SMAP1: variants seen among roughly 807,000 people sequenced by gnomAD.
SMAP1 encodes the protein stromal membrane-associated protein 1.
A neutral mutation model predicts 58.5 loss-of-function variants in SMAP1; 24 were observed. The observed-to-expected ratio is 0.41, with a 90% CI of 0.30 to 0.58. The LOEUF (loss-of-function observed/expected upper bound fraction) is 0.58. SMAP1 is among the 20% of genes least tolerant of loss of function. The pLI is 0.29. For missense variants in SMAP1, 563 were observed against 566.3 expected (o/e 0.99, Z 0.06); for synonymous variants, 216 against 196.6 (o/e 1.10, Z -0.82).
chr6:70,701,257 A>G (rs1767616268), intron 1 of SMAP1, among the ~76,000 whole-genome samples: 2 of 151,378 alleles, frequency 1.3e-5, no homozygotes, highest in African/African-American at 4.9e-5. Flanking sequence ...ATTTTTTTGT[A>G]TTTTTGGTAG....
At chr6:70,756,683 T>G (rs564331548) in intron 3 of SMAP1, among the ~76,000 whole-genome samples, 1 of 151,820 alleles carries the variant, frequency 6.6e-6, no homozygotes, top group African/African-American at 2.4e-5. Flanking sequence ...TGAAGGATTT[T>G]GTCAATGTAC....
chr6:70,771,152 T>C (rs898392382), intron 3 of SMAP1, among the ~76,000 whole-genome samples: 2 of 152,212 alleles, frequency 1.3e-5, no homozygotes, highest in Non-Finnish European at 2.9e-5. Context: ...AGTGACAGTC[T>C]GCCCCTACTG....
Position 70,726,877 on chromosome 6 carries a change from GTGTGTGT to G in SMAP1, c.119-5500_119-5494del, listed in dbSNP as rs1562117584. 4.7e-4 allele frequency among the ~76,000 whole-genome samples: 8 copies of G among 17,028 alleles called. No individual in the cohort carries two copies. The African/African-American group carries it at 7.3e-3, about 16-fold the overall frequency. The allele number at this position is 17,028 out of a possible 152,430, so 11.2% of individuals were successfully genotyped here. A position where few individuals can be genotyped will look rare whatever the true frequency, so the allele number is the denominator to read the frequency against. On this transcript the variant is annotated intron_variant, in intron 1 of 10. Coordinates refer to ENST00000370455, the MANE Select transcript of SMAP1 (RefSeq NM_001044305.3). The stretch of plus-strand genomic sequence containing the variant: ...GTAATATTATACAAATTTTAGGGGT[GTGTGTGT>G]GTGTGTGTGTGTGTGTGTGTGTGTG...
chr6:70,848,784 C>T (rs1183885330), intron 7 of SMAP1, among the ~76,000 whole-genome samples: 3 of 152,102 alleles, frequency 2.0e-5, no homozygotes, highest in Admixed American at 2.0e-4. Flanking sequence ...ACACAATGAC[C>T]TTCAAAATGA....
At chr6:70,832,565 G>T (rs1466017698) in intron 6 of SMAP1, among the ~76,000 whole-genome samples, 1 of 152,150 alleles carries the variant, frequency 6.6e-6, no homozygotes, top group African/African-American at 2.4e-5. Flanking sequence ...TGCTGTAACA[G>T]AATAGCACAG....
At chr6:70,745,979 A>G (rs112005672) in intron 2 of SMAP1, among the ~76,000 whole-genome samples, 3,756 of 151,976 alleles carry the variant, frequency 0.025, 174 homozygotes, top group African/African-American at 0.086. Flanking sequence ...CTGTTTGTCT[A>G]TTATTGGTGT....
At chr6:70,718,231 T>G (rs1353232593) in intron 1 of SMAP1, among the ~76,000 whole-genome samples, 2 of 152,164 alleles carry the variant, frequency 1.3e-5, no homozygotes, top group Non-Finnish European at 2.9e-5. Context: ...AGGAGGACAT[T>G]GTAGCTAATG....
At chr6:70,808,901 CCT>C (rs1491533454) in intron 6 of SMAP1, among the ~76,000 whole-genome samples, 4 of 71,494 alleles carry the variant, frequency 5.6e-5, no homozygotes, top group Admixed American at 3.4e-4. Context: ...AGGCTGTTTC[CCT>C]GTGTGTGTGT....
intron 6 of SMAP1, among the ~76,000 whole-genome samples, chr6:70,829,381 G>A (rs144598747): frequency 9.9e-4 from 150 of 152,012 alleles, no homozygotes; most frequent in African/African-American, 3.4e-3. Flanking sequence ...ACACATAGCC[G>A]GAACTACTGT....
intron 1 of SMAP1, chr6:70,668,862 A>G: frequency 1.0e-6 from 1 of 956,158 alleles, no homozygotes; most frequent in Admixed American, 2.8e-5. Flanking sequence ...ATTTCTGAAG[A>G]TTTTAGTAAT....
chr6:70,830,904 TAC>T (rs1293755400), intron 6 of SMAP1, among the ~76,000 whole-genome samples: 1 of 152,232 alleles, frequency 6.6e-6, no homozygotes, highest in Non-Finnish European at 1.5e-5. Context: ...TTTTAGCATG[TAC>T]ACAGGGTACT....
chr6:70,730,759 T>C (rs1353231180), intron 1 of SMAP1, among the ~76,000 whole-genome samples: 1 of 152,064 alleles, frequency 6.6e-6, no homozygotes, highest in Non-Finnish European at 1.5e-5. Context: ...ATAAACAGCA[T>C]GTACTTAAAA....
In SMAP1 at chr6:70,788,461, AAAAAT is replaced by A. The variant is rs201251971; in HGVS notation, c.415-3218_415-3214del. On this transcript the variant is annotated intron_variant, in intron 4 of 10. Transcript: ENST00000370455. ...AACTTAAAGTGTAATCATAATAATA[AAAAAT>A]AAAATAAAAAAAAACTTACATATTA... Among the ~76,000 whole-genome samples, 1,477 of 152,176 alleles carry A rather than the reference AAAAAT, an allele frequency of 9.7e-3. 13 individuals are homozygous for A. The highest frequency in any genetic ancestry group is 0.033 in the African/African-American group (1,373 of 41,516).
chr6:70,768,876 T>C (rs1285815907), intron 3 of SMAP1, among the ~76,000 whole-genome samples: 1 of 152,186 alleles, frequency 6.6e-6, no homozygotes, highest in Non-Finnish European at 1.5e-5. Flanking sequence ...CTGCTTTCTC[T>C]TGTGGGCATT....
chr6:70,780,416 A>G (rs182605025), intron 4 of SMAP1, among the ~76,000 whole-genome samples: 1 of 152,216 alleles, frequency 6.6e-6, no homozygotes, highest in Non-Finnish European at 1.5e-5. Context: ...TCTCTACAAA[A>G]AATAATAATG....
chr6:70,708,201 C>T lies in SMAP1; in HGVS notation c.119-24177C>T, dbSNP rs73747028. On this transcript the variant is annotated intron_variant, in intron 1 of 10. Transcript: ENST00000370455. ...CTTTTCTCCCTAGATTTCACATATA[C>T]GTGAGATTATACAATATTTTTCTTT... Among the ~76,000 whole-genome samples, 563 of 152,254 alleles carry T rather than the reference C, an allele frequency of 3.7e-3. 4 individuals are homozygous for T. Among genetic ancestry groups the T allele is most frequent in the African/African-American group, 0.013 (528 of 41,542 alleles).
chr6:70,705,358 TCTC>T (rs1767798065), intron 1 of SMAP1, among the ~76,000 whole-genome samples: 2 of 151,898 alleles, frequency 1.3e-5, no homozygotes, highest in Admixed American at 1.3e-4. Flanking sequence ...TTCAAGTGAT[TCTC>T]CTGCCTCAGC....
intron 1 of SMAP1, among the ~76,000 whole-genome samples, chr6:70,705,255 T>G (rs1767792600): frequency 6.6e-6 from 1 of 150,682 alleles, no homozygotes; most frequent in African/African-American, 2.4e-5. Flanking sequence ...CATTATGATT[T>G]TTTTTTTTTT....
chr6:70,799,742 CTT>C (rs1324365266), intron 6 of SMAP1, among the ~76,000 whole-genome samples: 1 of 152,122 alleles, frequency 6.6e-6, no homozygotes, highest in Non-Finnish European at 1.5e-5. Context: ...TGCTTTGAAA[CTT>C]TTGTATATGG....
Sources: allele counts gnomAD v4.1 joint callset (sites outside exome capture counted in the v4.1 genomes callset), GRCh38; gene constraint gnomAD v4.1.1; transcripts MANE v1.5; gene names NCBI Gene and HGNC (gene_info 2026-07-23, HGNC 2026-07-21).